KLRG1: variants seen among roughly 807,000 people sequenced by gnomAD.
KLRG1 encodes the protein killer cell lectin-like receptor subfamily G member 1.
KLRG1 carries 16 observed loss-of-function variants against 21.8 expected under a neutral mutation model. The ratio of observed to expected loss-of-function variants is 0.73; its 90% CI spans 0.50 to 1.11. The LOEUF is 1.11. KLRG1 is among the 50% of genes most tolerant of loss of function. KLRG1 has a pLI of 0.00. For synonymous variants in KLRG1, 69 were observed against 75.9 expected (o/e 0.91, Z 0.47); for missense variants, 173 against 218.3 (o/e 0.79, Z 1.31).
chr12:8,996,366 A>T (rs1377769376), intron 3 of KLRG1: 42 of 152,178 alleles, frequency 2.8e-4, no homozygotes, highest in Admixed American at 2.7e-3. Context: ...GGAAAACAAG[A>T]AATCTTAGTT....
At chr12:8,995,080 G>C (rs1317031504) in intron 2 of KLRG1, 39 bp from the exon 3 acceptor site, 2 of 1,516,912 alleles carry the variant, frequency 1.3e-6, no homozygotes, top group East Asian at 2.4e-5. Context: ...AAGACTGAGT[G>C]GTCCATAAAG....
the KLRG1 span, chr12:9,099,566 G>T: frequency 6.4e-7 from 1 of 1,570,482 alleles, no homozygotes; most frequent in South Asian, 1.2e-5. Flanking sequence ...ATAGGTTAAT[G>T]ACTATTTCCA....
At chr12:9,168,859 G>A in the KLRG1 span, 3 of 1,583,574 alleles carry the variant, frequency 1.9e-6, no homozygotes, top group African/African-American at 2.7e-5. Context: ...AAAGCAAATT[G>A]CTGTTTTACC....
chr12:9,059,078 G>T, the KLRG1 span, among the ~76,000 whole-genome samples: 1 of 152,180 alleles, frequency 6.6e-6, no homozygotes, highest in Non-Finnish European at 1.5e-5. Flanking sequence ...TTAGATACAA[G>T]ATTGAATATT....
the KLRG1 span, among the ~76,000 whole-genome samples, chr12:9,070,890 G>A: frequency 2.0e-5 from 3 of 150,626 alleles, no homozygotes; most frequent in African/African-American, 7.4e-5. Flanking sequence ...GCATGATTTC[G>A]GCTCACCGCA....
At chr12:9,025,146 A>G in the KLRG1 span, among the ~76,000 whole-genome samples, 1 of 152,222 alleles carries the variant, frequency 6.6e-6, no homozygotes, top group African/African-American at 2.4e-5. Flanking sequence ...AAATTTCAGC[A>G]GGCTGATCAT....
In KLRG1 at chr12:8,992,378, A is replaced by G. The variant is rs937779189; in HGVS notation, c.187+68A>G. On this transcript the variant is annotated intron_variant, in intron 2 of 4. Coordinates refer to ENST00000356986, the MANE Select transcript of KLRG1 (RefSeq NM_005810.4). ...TATAAAAGCAATATAACATAGCAGA[A>G]GCTTTGAAAAATCAAAAAATAATTC... 3.3e-5 allele frequency: 38 copies of G among 1,147,440 alleles called. No individual in the cohort carries two copies. In the Middle Eastern group the frequency reaches 1.1e-3, roughly 32 times the overall value. The allele number at this position is 1,147,440 out of a possible 1,614,324, so 71.1% of individuals were successfully genotyped here. A position where few individuals can be genotyped will look rare whatever the true frequency, so the allele number is the denominator to read the frequency against.
At chr12:9,116,053 C>T in the KLRG1 span, 1 of 592,894 alleles carries the variant, frequency 1.7e-6, no homozygotes, top group Non-Finnish European at 3.1e-6. Flanking sequence ...TATTTATAGT[C>T]AAGGTTAATT....
the KLRG1 span, among the ~76,000 whole-genome samples, chr12:9,197,633 T>C: frequency 2.9e-5 from 2 of 68,430 alleles, no homozygotes; most frequent in Non-Finnish European, 5.1e-5. Context: ...TATTATATTA[T>C]ATATTATATT....
chr12:9,086,610 T>C, the KLRG1 span, among the ~76,000 whole-genome samples: 3 of 152,194 alleles, frequency 2.0e-5, no homozygotes, highest in South Asian at 6.2e-4. Context: ...GATAAAACTC[T>C]CACCAAATTA....
At chr12:9,169,386 A>T in the KLRG1 span, 2 of 1,491,944 alleles carry the variant, frequency 1.3e-6, no homozygotes, top group East Asian at 2.3e-5. Context: ...ATTAACATTC[A>T]AAAACTCACA....
At chr12:9,208,757 CTGAG>C in the KLRG1 span, among the ~76,000 whole-genome samples, 76 of 152,220 alleles carry the variant, frequency 5.0e-4, no homozygotes, top group African/African-American at 1.7e-3. Flanking sequence ...ATTTCTGGGA[CTGAG>C]TGAGTTATAA....
the KLRG1 span, among the ~76,000 whole-genome samples, chr12:9,105,341 G>A: frequency 1.6e-4 from 25 of 152,296 alleles, no homozygotes; most frequent in African/African-American, 6.0e-4. Flanking sequence ...GCAATAAAAT[G>A]TACTTACAAA....
At chr12:9,198,293 A>C in the KLRG1 span, among the ~76,000 whole-genome samples, 1 of 152,058 alleles carries the variant, frequency 6.6e-6, no homozygotes, top group African/African-American at 2.4e-5. Flanking sequence ...TTGAGGCTAC[A>C]GTGAGCTAAG....
the KLRG1 span, chr12:9,196,871 G>T: frequency 1.3e-6 from 1 of 784,364 alleles, no homozygotes; most frequent in Non-Finnish European, 2.1e-6. Context: ...TGAGAATCTT[G>T]TTGACTAAGA....
chr12:9,031,658 G>A, the KLRG1 span, among the ~76,000 whole-genome samples: 2 of 152,232 alleles, frequency 1.3e-5, no homozygotes, highest in South Asian at 2.1e-4. Context: ...GAGGTCCTGG[G>A]AACATGTGCC....
the KLRG1 span, among the ~76,000 whole-genome samples, chr12:9,038,175 C>T: frequency 1.6e-4 from 24 of 152,208 alleles, 1 homozygote; most frequent in East Asian, 4.1e-3. Context: ...GCTGGAGACT[C>T]GCTTGAGCTC....
chr12:9,158,584 G>T, the KLRG1 span: 1 of 1,613,604 alleles, frequency 6.2e-7, no homozygotes, highest in Admixed American at 1.7e-5. Context: ...AGCCTAGGGG[G>T]AGGAAAAATG....
the KLRG1 span, among the ~76,000 whole-genome samples, chr12:9,179,190 T>C: frequency 6.6e-6 from 1 of 152,208 alleles, no homozygotes; most frequent in Non-Finnish European, 1.5e-5. Flanking sequence ...GTTTCTGAAC[T>C]TTTCCCTTCC....
Sources: allele counts gnomAD v4.1 joint callset (sites outside exome capture counted in the v4.1 genomes callset), GRCh38; gene constraint gnomAD v4.1.1; transcripts MANE v1.5; gene names NCBI Gene and HGNC (gene_info 2026-07-23, HGNC 2026-07-21).